The following CNTNAP5 variants were observed in gnomAD, a reference collection of about 807,000 sequenced individuals.
CNTNAP5 encodes contactin associated protein family member 5, also known as contactin-associated protein-like 5.
In CNTNAP5, 72 loss-of-function variants were observed where a neutral mutation model predicts 150.2. That is an observed-to-expected ratio of 0.48 (90% CI 0.40 to 0.58). The LOEUF is 0.58. Among genes scored for constraint, CNTNAP5 ranks in the 20% least tolerant of loss-of-function variants. The pLI, the probability that CNTNAP5 is intolerant of heterozygous loss-of-function variation, is 0.00. For synonymous variants in CNTNAP5, 672 were observed against 619.8 expected (o/e 1.08, Z -1.25); for missense variants, 1,636 against 1,626.2 (o/e 1.01, Z -0.10).
rs1373013084 is a variant in CNTNAP5 at position 124,282,393 on chromosome 2, AT to A, written c.381+40004del. On this transcript the variant is annotated intron_variant, in intron 3 of 23. Coordinates refer to ENST00000682447, the MANE Select transcript of CNTNAP5 (RefSeq NM_001367498.1). ...GAAAATGATAAACCTACGTGGATTT[AT>A]TTTCCCTTTATTCATCTTTGGAATT... is the stretch of plus-strand genomic sequence containing the variant. Among the ~76,000 whole-genome samples, 3 of 152,240 alleles carry A rather than the reference AT, an allele frequency of 2.0e-5. No individual in the cohort carries two copies. The East Asian group carries it at 5.8e-4, about 29-fold the overall frequency.
intron 3 of CNTNAP5, among the ~76,000 whole-genome samples, chr2:124,409,848 T>A (rs1416202593): frequency 1.3e-5 from 2 of 151,984 alleles, no homozygotes; most frequent in Non-Finnish European, 2.9e-5. Context: ...GCTAACATAA[T>A]AATGACAGGA....
At chr2:124,154,693 G>C (rs1483953094) in intron 1 of CNTNAP5, among the ~76,000 whole-genome samples, 1 of 152,166 alleles carries the variant, frequency 6.6e-6, no homozygotes, top group Non-Finnish European at 1.5e-5. Flanking sequence ...GCTCAGAGCA[G>C]ATCAGGCCTC....
At chr2:124,270,589 T>A (rs79891253) in intron 3 of CNTNAP5, among the ~76,000 whole-genome samples, 1 of 152,092 alleles carries the variant, frequency 6.6e-6, no homozygotes, top group Non-Finnish European at 1.5e-5. Context: ...GTTCTCTAAG[T>A]TTTTAAGGTT....
In CNTNAP5 at chr2:124,423,547, A is replaced by G. The variant is rs1692164215; in HGVS notation, c.529+5957A>G. Reference sequence around the variant, plus strand: ...TTATTTTTTGTATTTTTTAGTAGAGACGGGGTTTCACCGTGGTCTCGATCT... The same window carrying G: ...TTATTTTTTGTATTTTTTAGTAGAGGCGGGGTTTCACCGTGGTCTCGATCT... On this transcript the variant is annotated intron_variant, in intron 4 of 23. Transcript: ENST00000682447. 2.7e-5 allele frequency among the ~76,000 whole-genome samples: 4 copies of G among 148,700 alleles called. No homozygotes were observed. The South Asian group carries it at 8.7e-4, about 32-fold the overall frequency.
At chr2:124,163,057 C>G (rs972977979) in intron 1 of CNTNAP5, among the ~76,000 whole-genome samples, 4 of 152,054 alleles carry the variant, frequency 2.6e-5, no homozygotes, top group African/African-American at 4.8e-5. Context: ...ATTCTTGAAC[C>G]CTTTCTCCTA....
chr2:124,375,987 G>A (rs777701259), intron 3 of CNTNAP5, among the ~76,000 whole-genome samples: 1 of 152,032 alleles, frequency 6.6e-6, no homozygotes, highest in Non-Finnish European at 1.5e-5. Flanking sequence ...TTGGCCTGCT[G>A]TTCTGCACTG....
intron 1 of CNTNAP5, among the ~76,000 whole-genome samples, chr2:124,100,932 A>T (rs1464081830): frequency 1.3e-5 from 2 of 152,112 alleles, no homozygotes; most frequent in Admixed American, 6.5e-5. Context: ...AAAAAGCAAC[A>T]ATCAAGATTC....
chr2:124,411,338 A>G (rs938651729), intron 3 of CNTNAP5, among the ~76,000 whole-genome samples: 33 of 152,282 alleles, frequency 2.2e-4, no homozygotes, highest in African/African-American at 6.7e-4. Flanking sequence ...AAACTATTCC[A>G]ATCAATAGAA....
At chr2:124,155,470 T>C (rs1224095303) in intron 1 of CNTNAP5, among the ~76,000 whole-genome samples, 5 of 151,858 alleles carry the variant, frequency 3.3e-5, no homozygotes, top group African/African-American at 1.2e-4. Flanking sequence ...GCGTGTGTGG[T>C]GTGTGTAAAG....
At chr2:124,795,845 T>C (rs1278460820) in intron 18 of CNTNAP5, among the ~76,000 whole-genome samples, 4 of 152,090 alleles carry the variant, frequency 2.6e-5, no homozygotes, top group Non-Finnish European at 5.9e-5. Flanking sequence ...AAAATATGTG[T>C]CTTACCATCT....
At chr2:124,586,134 G>T (rs574943889) in intron 11 of CNTNAP5, among the ~76,000 whole-genome samples, 1 of 152,194 alleles carries the variant, frequency 6.6e-6, no homozygotes, top group African/African-American at 2.4e-5. Flanking sequence ...GAGAAAAGAG[G>T]CAGGACTTCC....
intron 1 of CNTNAP5, among the ~76,000 whole-genome samples, chr2:124,128,124 A>G (rs2104596521): frequency 6.6e-6 from 1 of 152,334 alleles, no homozygotes; most frequent in African/African-American, 2.4e-5. Context: ...TGAACAGGCA[A>G]CCTACAGAAT....
intron 16 of CNTNAP5, among the ~76,000 whole-genome samples, chr2:124,765,923 C>T (rs1283395787): frequency 1.3e-5 from 2 of 151,578 alleles, no homozygotes; most frequent in African/African-American, 4.9e-5. Context: ...ACTACTGCAC[C>T]CCAGCCTGGG....
At chr2:124,223,909 T>G (rs1686392697) in intron 2 of CNTNAP5, among the ~76,000 whole-genome samples, 1 of 151,324 alleles carries the variant, frequency 6.6e-6, no homozygotes, top group Admixed American at 6.6e-5. Flanking sequence ...CATCCTCTAG[T>G]GCATATTCCA....
At chr2:124,560,908 TATTTTATA>T (rs1695877545) in intron 10 of CNTNAP5, among the ~76,000 whole-genome samples, 1 of 152,140 alleles carries the variant, frequency 6.6e-6, no homozygotes, top group Admixed American at 6.5e-5. Flanking sequence ...CTGGGTTTTT[TATTTTATA>T]GTTTCAGCCA....
chr2:124,663,017 C>T (rs1678624505), intron 13 of CNTNAP5, among the ~76,000 whole-genome samples: 1 of 152,224 alleles, frequency 6.6e-6, no homozygotes, highest in Non-Finnish European at 1.5e-5. Context: ...TAAGTATTTT[C>T]AGTTCCTAGT....
At chr2:124,722,404 T>C (rs1680067412) in intron 13 of CNTNAP5, among the ~76,000 whole-genome samples, 1 of 152,094 alleles carries the variant, frequency 6.6e-6, no homozygotes, top group Admixed American at 6.6e-5. Flanking sequence ...CAAAATATAA[T>C]GGCAGACAAT....
chr2:124,283,065 T>G (rs922115714), intron 3 of CNTNAP5, among the ~76,000 whole-genome samples: 1 of 151,976 alleles, frequency 6.6e-6, no homozygotes, highest in Non-Finnish European at 1.5e-5. Flanking sequence ...TACCTTAACT[T>G]TGCTCTTGGC....
chr2:124,276,517 A>G (rs1177960184), intron 3 of CNTNAP5, among the ~76,000 whole-genome samples: 1 of 152,154 alleles, frequency 6.6e-6, no homozygotes, highest in Non-Finnish European at 1.5e-5. Context: ...TTAATTCATC[A>G]AAATCTGTAC....
Sources: allele counts gnomAD v4.1 joint callset (sites outside exome capture counted in the v4.1 genomes callset), GRCh38; gene constraint gnomAD v4.1.1; transcripts MANE v1.5; gene names NCBI Gene and HGNC (gene_info 2026-07-23, HGNC 2026-07-21).